Variants in CADM1 observed in about 807,000 individuals in gnomAD.
The protein encoded by CADM1 is TSLC-1.
In CADM1, 15 loss-of-function variants were observed where a neutral mutation model predicts 53.1. The observed-to-expected ratio is 0.28, with a 90% CI of 0.19 to 0.44. The LOEUF is 0.44. Ranked by LOEUF, CADM1 falls within the 20% of genes least tolerant of loss-of-function variation. The pLI is 1.00. For synonymous variants in CADM1, 281 were observed against 243.0 expected, an observed-to-expected ratio of 1.16 and a Z score of -1.45; for missense variants, 434 against 611.3, an observed-to-expected ratio of 0.71 and a Z score of 3.06.
At chr11:115,251,032 A>G (rs1477709536) in intron 1 of CADM1, among the ~76,000 whole-genome samples, 1 of 152,266 alleles carries the variant, frequency 6.6e-6, no homozygotes, top group Non-Finnish European at 1.5e-5. Context: ...CATTCTCAGC[A>G]TATCAAGGAA....
At chr11:115,193,265 A>G (rs78126344) in intron 9 of CADM1, among the ~76,000 whole-genome samples, 150 of 152,362 alleles carry the variant, frequency 9.8e-4, no homozygotes, top group Non-Finnish European at 1.8e-3. Flanking sequence ...AAACTTTCAT[A>G]TCATCCATTA....
chr11:115,466,892 C>A (rs1170083435), intron 1 of CADM1, among the ~76,000 whole-genome samples: 4 of 152,112 alleles, frequency 2.6e-5, no homozygotes, highest in Admixed American at 6.5e-5. Context: ...ATATACACTG[C>A]GGAAAGCACC....
At chr11:115,395,503 A>G (rs1231339059) in intron 1 of CADM1, among the ~76,000 whole-genome samples, 3 of 152,196 alleles carry the variant, frequency 2.0e-5, no homozygotes, top group Non-Finnish European at 4.4e-5. Context: ...TTATGCTGAC[A>G]TGAGTTTCTA....
intron 1 of CADM1, among the ~76,000 whole-genome samples, chr11:115,356,953 CTG>C (rs1244050553): frequency 1.3e-5 from 2 of 152,290 alleles, no homozygotes; most frequent in Non-Finnish European, 2.9e-5. Flanking sequence ...TGTATTCCAA[CTG>C]TGTTATAACA....
At chr11:115,392,722 A>T (rs1241366780) in intron 1 of CADM1, among the ~76,000 whole-genome samples, 1 of 152,196 alleles carries the variant, frequency 6.6e-6, no homozygotes, top group African/African-American at 2.4e-5. Context: ...ATTTCCAGCC[A>T]GGAGGAAGGA....
chr11:115,321,164 T>C (rs1944815875), intron 1 of CADM1, among the ~76,000 whole-genome samples: 1 of 152,200 alleles, frequency 6.6e-6, no homozygotes, highest in Non-Finnish European at 1.5e-5. Flanking sequence ...TTTTCAAAGA[T>C]AGTAAAGGGA....
At chr11:115,236,274 T>G (rs1337870219) in intron 3 of CADM1, among the ~76,000 whole-genome samples, 1 of 152,142 alleles carries the variant, frequency 6.6e-6, no homozygotes, top group Non-Finnish European at 1.5e-5. Flanking sequence ...ACTCTAAACC[T>G]TACGAGAAAC....
chr11:115,279,302 T>C (rs1234185250), intron 1 of CADM1, among the ~76,000 whole-genome samples: 1 of 152,116 alleles, frequency 6.6e-6, no homozygotes, highest in Non-Finnish European at 1.5e-5. Flanking sequence ...TACCAATGGG[T>C]TGTCAAGTGA....
intron 1 of CADM1, among the ~76,000 whole-genome samples, chr11:115,394,754 G>A (rs750389319): frequency 6.6e-6 from 1 of 152,076 alleles, no homozygotes; most frequent in African/African-American, 2.4e-5. Flanking sequence ...TCTGAAACAG[G>A]AGCTCTGTTG....
intron 1 of CADM1, among the ~76,000 whole-genome samples, chr11:115,453,001 AAATTTT>A (rs1948607506): frequency 6.6e-6 from 1 of 152,172 alleles, no homozygotes; most frequent in Non-Finnish European, 1.5e-5. Flanking sequence ...ATAATTAGAT[AAATTTT>A]ATCTAACTAA....
intron 1 of CADM1, among the ~76,000 whole-genome samples, chr11:115,407,801 G>A (rs1376793444): frequency 6.9e-6 from 1 of 145,208 alleles, no homozygotes; most frequent in African/African-American, 2.5e-5. Flanking sequence ...GCCTGGGGGG[G>A]TTCGAGGCTG....
At chr11:115,338,891 AATT>A (rs1439343193) in intron 1 of CADM1, among the ~76,000 whole-genome samples, 1 of 65,676 alleles carries the variant, frequency 1.5e-5, no homozygotes, top group African/African-American at 5.2e-5. Flanking sequence ...TTTTTTTTTT[AATT>A]TTTTTTTTTT....
chr11:115,369,735 A>G (rs1482719519), intron 1 of CADM1, among the ~76,000 whole-genome samples: 3 of 152,176 alleles, frequency 2.0e-5, no homozygotes, highest in Non-Finnish European at 4.4e-5. Context: ...CAATTCTTTA[A>G]TATCTTTACA....
At chr11:115,385,270 G>C (rs1946672322) in intron 1 of CADM1, among the ~76,000 whole-genome samples, 1 of 151,484 alleles carries the variant, frequency 6.6e-6, no homozygotes, top group African/African-American at 2.4e-5. Context: ...GGGAAAAAAG[G>C]CTTAACAAGA....
intron 8 of CADM1, among the ~76,000 whole-genome samples, chr11:115,205,894 C>T (rs950390066): frequency 6.6e-5 from 10 of 152,232 alleles, no homozygotes; most frequent in East Asian, 3.9e-4. Context: ...CAAGTTGATA[C>T]GGCAAGTTGA....
chr11:115,400,369 GAAAAAAGTATA>G (rs1270984705), intron 1 of CADM1, among the ~76,000 whole-genome samples: 1 of 151,134 alleles, frequency 6.6e-6, no homozygotes, highest in Admixed American at 6.6e-5. Context: ...CTCAGAAAGT[GAAAAAAGTATA>G]CATAGAAAAT....
At chr11:115,429,591 A>G in intron 1 of CADM1, among the ~76,000 whole-genome samples, 1 of 151,666 alleles carries the variant, frequency 6.6e-6, no homozygotes, top group Non-Finnish European at 1.5e-5. Flanking sequence ...AAGAGCAGAA[A>G]AAAAAAAAAA....
At chr11:115,229,297 C>T (rs1398612774) in intron 4 of CADM1, 26 bp from the exon 5 acceptor site, 7 of 1,613,104 alleles carry the variant, frequency 4.3e-6, no homozygotes, top group Non-Finnish European at 5.9e-6. Flanking sequence ...TGTACCAAGA[C>T]ACCAGAGTTG....
chr11:115,405,708 C>A (rs887605531), intron 1 of CADM1, among the ~76,000 whole-genome samples: 1 of 152,148 alleles, frequency 6.6e-6, no homozygotes, highest in African/African-American at 2.4e-5. Flanking sequence ...AGGTAAAAAG[C>A]AAATTTCAGA....
Sources: allele counts gnomAD v4.1 joint callset (sites outside exome capture counted in the v4.1 genomes callset), GRCh38; gene constraint gnomAD v4.1.1; transcripts MANE v1.5; gene names NCBI Gene and HGNC (gene_info 2026-07-23, HGNC 2026-07-21).